The following SLIT2 variants were observed in gnomAD, a reference collection of about 807,000 sequenced individuals.
The protein encoded by SLIT2 is slit homolog 2 protein.
SLIT2 carries 41 observed loss-of-function variants against 185.7 expected under a neutral mutation model. The observed-to-expected ratio is 0.22, with a 90% CI of 0.17 to 0.29. The LOEUF is 0.29. SLIT2 is among the 10% of genes least tolerant of loss of function. The probability of loss-of-function intolerance (pLI) is 1.00; values close to 1 mark genes in which losing one functional copy is unlikely to be tolerated. For synonymous variants in SLIT2, 693 were observed against 680.2 expected, an observed-to-expected ratio of 1.02 and a Z score of -0.29; for missense variants, 1,571 against 1,909.0, an observed-to-expected ratio of 0.82 and a Z score of 3.30.
At chr4:20,601,692 C>A (rs1165505085) in intron 33 of SLIT2, among the ~76,000 whole-genome samples, 1 of 152,108 alleles carries the variant, frequency 6.6e-6, no homozygotes, top group East Asian at 1.9e-4. Flanking sequence ...AGTGTAAAAT[C>A]TTTGATGAAA....
At chr4:20,570,087 C>T (rs1167086142) in intron 29 of SLIT2, among the ~76,000 whole-genome samples, 1 of 151,990 alleles carries the variant, frequency 6.6e-6, no homozygotes, top group Non-Finnish European at 1.5e-5. Context: ...GTTTTGGCAA[C>T]CCAGATCTGT....
chr4:20,566,753 A>G (rs150712046), intron 26 of SLIT2, among the ~76,000 whole-genome samples: 43 of 152,156 alleles, frequency 2.8e-4, no homozygotes, highest in African/African-American at 7.9e-4. Flanking sequence ...TGTATCTCCT[A>G]TATGAAAGTC....
intron 19 of SLIT2, 108 bp downstream of exon 19, chr4:20,539,692 G>A: frequency 1.3e-6 from 1 of 749,224 alleles, no homozygotes. Flanking sequence ...AAGGGTTTTA[G>A]GACTTAAAAA....
intron 4 of SLIT2, among the ~76,000 whole-genome samples, chr4:20,347,356 C>T (rs1383075781): frequency 6.6e-6 from 1 of 152,176 alleles, no homozygotes; most frequent in Non-Finnish European, 1.5e-5. Flanking sequence ...TATTTAAGTA[C>T]ATAATTAAGA....
intron 12 of SLIT2, among the ~76,000 whole-genome samples, chr4:20,520,081 C>G (rs1465304159): frequency 1.4e-5 from 2 of 139,402 alleles, no homozygotes; most frequent in Non-Finnish European, 3.1e-5. Context: ...TACTCAGCAA[C>G]TTTTGTCCAG....
At chr4:20,540,674 G>A (rs1722727957) in intron 19 of SLIT2, among the ~76,000 whole-genome samples, 1 of 151,996 alleles carries the variant, frequency 6.6e-6, no homozygotes, top group African/African-American at 2.4e-5. Flanking sequence ...TTAAAAGGAG[G>A]GGAATAAAGA....
At position 20,252,289 on chromosome 4, in the gene SLIT2, C is replaced by G. The variant is rs1722102374; in HGVS notation, c.-1527C>G. Among the ~76,000 whole-genome samples, 1 of 152,214 alleles carries G rather than the reference C, an allele frequency of 6.6e-6. No individual in the cohort carries two copies. The highest frequency in any genetic ancestry group is 2.1e-4 in the South Asian group (1 of 4,832). ...GTCCGTCCTATTGTTTAGACACTTG[C>G]CAGGGGCTCCGGAGTCGGCAGAGCC... On this transcript the variant is annotated 5_prime_UTR_variant, in exon 1 of 37. Coordinates refer to ENST00000504154, the MANE Select transcript of SLIT2 (RefSeq NM_004787.4).
In SLIT2 at chr4:20,538,195, C is replaced by T. The variant is rs866594945; in HGVS notation, c.1833-1246C>T. Among the ~76,000 whole-genome samples the T allele has an allele frequency of 3.9e-5, 6 of 152,198 alleles. No homozygotes were observed. In the Middle Eastern group the frequency reaches 0.01, roughly 259 times the overall value. On this transcript the variant is annotated intron_variant, in intron 18 of 36. Coordinates refer to ENST00000504154, the MANE Select transcript of SLIT2 (RefSeq NM_004787.4). ...CAGGATGGTCTTGATCTCCTGACCT[C>T]GTGATCCGCCCGCCTCGGCCTCCCA...
At chr4:20,538,779 C>CAA (rs1722530022) in intron 18 of SLIT2, among the ~76,000 whole-genome samples, 1 of 84,440 alleles carries the variant, frequency 1.2e-5, no homozygotes, top group Non-Finnish European at 2.7e-5. Flanking sequence ...ATGACAATGA[C>CAA]TAAAAAAAAA....
intron 32 of SLIT2, among the ~76,000 whole-genome samples, chr4:20,596,883 TAAA>T (rs11318081): frequency 2.7e-5 from 4 of 150,314 alleles, no homozygotes; most frequent in East Asian, 3.9e-4. Flanking sequence ...AAGCAGACAG[TAAA>T]AAAAAAAATA....
chr4:20,447,775 C>A (rs1326181900), intron 4 of SLIT2, among the ~76,000 whole-genome samples: 1 of 152,208 alleles, frequency 6.6e-6, no homozygotes, highest in Non-Finnish European at 1.5e-5. Flanking sequence ...TTCTCCTAAA[C>A]ACACGGACAC....
At chr4:20,346,479 A>G (rs1336679077) in intron 4 of SLIT2, among the ~76,000 whole-genome samples, 2 of 152,206 alleles carry the variant, frequency 1.3e-5, no homozygotes, top group Non-Finnish European at 2.9e-5. Context: ...GGTATGAAAG[A>G]CTGTTAATAA....
intron 4 of SLIT2, among the ~76,000 whole-genome samples, chr4:20,442,274 C>G (rs1468771415): frequency 6.6e-6 from 1 of 152,104 alleles, no homozygotes; most frequent in East Asian, 1.9e-4. Flanking sequence ...AATCCCAGCA[C>G]TTTGGAAGGC....
At chr4:20,480,822 G>T (rs1716623540) in intron 6 of SLIT2, 35 bp downstream of exon 6, 1 of 1,504,102 alleles carries the variant, frequency 6.6e-7, no homozygotes, top group East Asian at 2.3e-5. Context: ...CTTTTAACGG[G>T]GGCTTTGTGT....
intron 4 of SLIT2, among the ~76,000 whole-genome samples, chr4:20,458,137 G>A (rs1713297970): frequency 6.7e-6 from 1 of 150,240 alleles, no homozygotes; most frequent in South Asian, 2.1e-4. Context: ...CAAAAAGTAC[G>A]GCTTTGATGG....
chr4:20,606,879 C>A (rs1327631183), intron 33 of SLIT2, among the ~76,000 whole-genome samples: 1 of 152,132 alleles, frequency 6.6e-6, no homozygotes, highest in Non-Finnish European at 1.5e-5. Flanking sequence ...GGACAGAAAT[C>A]ATGTATTAAA....
At chr4:20,522,767 C>A (rs1720946568) in intron 12 of SLIT2, among the ~76,000 whole-genome samples, 2 of 151,976 alleles carry the variant, frequency 1.3e-5, no homozygotes, top group African/African-American at 4.8e-5. Context: ...TACTAATGTA[C>A]CATGTGACTC....
chr4:20,599,354 C>T (rs921320074), intron 33 of SLIT2, among the ~76,000 whole-genome samples: 9 of 152,140 alleles, frequency 5.9e-5, no homozygotes, highest in African/African-American at 2.2e-4. Context: ...AATTTTTTCA[C>T]ATGTAGAAAT....
At chr4:20,453,399 A>G (rs1393366240) in intron 4 of SLIT2, among the ~76,000 whole-genome samples, 21 of 152,316 alleles carry the variant, frequency 1.4e-4, no homozygotes, top group Non-Finnish European at 1.2e-4. Flanking sequence ...AATTTTACCT[A>G]AATTTTAATG....
Sources: allele counts gnomAD v4.1 joint callset (sites outside exome capture counted in the v4.1 genomes callset), GRCh38; gene constraint gnomAD v4.1.1; transcripts MANE v1.5; gene names NCBI Gene and HGNC (gene_info 2026-07-23, HGNC 2026-07-21).